Variants in COG5 observed in about 807,000 individuals in gnomAD.
COG5 encodes the protein component of oligomeric golgi complex 5, also known as conserved oligomeric Golgi complex subunit 5.
COG5 carries 86 observed loss-of-function variants against 110.4 expected under a neutral mutation model. The observed-to-expected ratio is 0.78, with a 90% CI of 0.65 to 0.93. The LOEUF is 0.93. COG5 is among the 40% of genes least tolerant of loss of function. The pLI, the probability that COG5 is intolerant of heterozygous loss-of-function variation, is 0.00. For synonymous variants in COG5, 360 were observed against 334.6 expected (o/e 1.08, Z -0.83); for missense variants, 1,077 against 987.0 (o/e 1.09, Z -1.22).
At chr7:107,469,946 G>T (rs985188213) in intron 6 of COG5, 2 of 151,908 alleles carry the variant, frequency 1.3e-5, no homozygotes, top group Non-Finnish European at 2.9e-5. Context: ...GGGAGCGGGG[G>T]AAATCCCTGC....
intron 12 of COG5, among the ~76,000 whole-genome samples, chr7:107,297,128 T>C (rs552100831): frequency 1.3e-5 from 2 of 152,328 alleles, no homozygotes; most frequent in East Asian, 1.9e-4. Context: ...ATTTTAACTA[T>C]ACAGTTGGAC....
At chr7:107,241,543 C>A (rs1801633754) in intron 17 of COG5, among the ~76,000 whole-genome samples, 1 of 151,806 alleles carries the variant, frequency 6.6e-6, no homozygotes, top group African/African-American at 2.4e-5. Flanking sequence ...AGCTCCGCCT[C>A]CGGGGTTCAC....
intron 14 of COG5, among the ~76,000 whole-genome samples, chr7:107,270,259 T>C (rs1436183357): frequency 1.3e-5 from 1 of 74,130 alleles, no homozygotes; most frequent in Non-Finnish European, 2.6e-5. Flanking sequence ...TCACACGTGC[T>C]TTTTTTTTTT....
At chr7:107,275,881 T>C (rs1395339928) in intron 14 of COG5, among the ~76,000 whole-genome samples, 3 of 152,200 alleles carry the variant, frequency 2.0e-5, no homozygotes, top group African/African-American at 7.2e-5. Flanking sequence ...CATATGTCTC[T>C]ATACCATTTA....
chr7:107,442,143 C>T (rs547554340), intron 6 of COG5, among the ~76,000 whole-genome samples: 302 of 151,688 alleles, frequency 2.0e-3, no homozygotes, highest in Non-Finnish European at 3.5e-3. Flanking sequence ...TGGCAGACAT[C>T]CCCCCCTGTT....
intron 10 of COG5, among the ~76,000 whole-genome samples, chr7:107,350,729 A>G (rs1812066652): frequency 6.6e-6 from 1 of 152,178 alleles, no homozygotes; most frequent in South Asian, 2.1e-4. Flanking sequence ...CGTTGTTACC[A>G]ATTAAGGATC....
At chr7:107,251,813 C>G (rs1019744850) in intron 16 of COG5, among the ~76,000 whole-genome samples, 11 of 152,026 alleles carry the variant, frequency 7.2e-5, no homozygotes, top group African/African-American at 2.4e-4. Context: ...AGAAAACTCA[C>G]AAATCCAAAG....
chr7:107,557,902 T>A, intron 2 of COG5, 74 bp downstream of exon 2: 1 of 1,516,724 alleles, frequency 6.6e-7, no homozygotes, highest in Non-Finnish European at 9.2e-7. Flanking sequence ...CATTTGTATT[T>A]AATAAGATTA....
intron 10 of COG5, among the ~76,000 whole-genome samples, chr7:107,338,874 A>G (rs951908004): frequency 6.6e-6 from 1 of 152,140 alleles, no homozygotes; most frequent in Non-Finnish European, 1.5e-5. Flanking sequence ...TCCTTAAGGG[A>G]GTTCTAACCA....
chr7:107,411,987 G>C (rs970386403), intron 7 of COG5, among the ~76,000 whole-genome samples: 1 of 152,072 alleles, frequency 6.6e-6, no homozygotes, highest in African/African-American at 2.4e-5. Context: ...TACCTTAGGA[G>C]AAATGTCAAG....
chr7:107,309,917 G>C (rs1808072705), intron 11 of COG5, among the ~76,000 whole-genome samples: 1 of 151,962 alleles, frequency 6.6e-6, no homozygotes, highest in Admixed American at 6.6e-5. Flanking sequence ...CCCAAGGACT[G>C]GCAACCATTT....
intron 10 of COG5, among the ~76,000 whole-genome samples, chr7:107,331,099 T>C (rs150288502): frequency 6.6e-6 from 1 of 152,272 alleles, no homozygotes; most frequent in African/African-American, 2.4e-5. Context: ...CAGATCAAGG[T>C]ATGTCTACAT....
chr7:107,556,362 T>C (rs980480343), intron 2 of COG5, among the ~76,000 whole-genome samples: 5 of 152,214 alleles, frequency 3.3e-5, no homozygotes, highest in African/African-American at 1.2e-4. Context: ...GTCATCTCAC[T>C]GATATAGACT....
intron 6 of COG5, among the ~76,000 whole-genome samples, chr7:107,523,120 C>G (rs919527402): frequency 1.5e-4 from 23 of 152,142 alleles, no homozygotes; most frequent in Non-Finnish European, 3.1e-4. Context: ...TCTTAATAAA[C>G]AATATTAAGT....
chr7:107,391,585 T>A (rs965309344), intron 7 of COG5, among the ~76,000 whole-genome samples: 1 of 152,168 alleles, frequency 6.6e-6, no homozygotes, highest in African/African-American at 2.4e-5. Context: ...CTTCCCCCTA[T>A]GTTTTCTTCT....
At chr7:107,307,172 CA>C (rs1807799529) in intron 11 of COG5, among the ~76,000 whole-genome samples, 1 of 152,190 alleles carries the variant, frequency 6.6e-6, no homozygotes, top group Admixed American at 6.5e-5. Flanking sequence ...TCAACTGCCA[CA>C]ACACCACTGA....
chr7:107,432,340 G>A (rs1205611592), intron 6 of COG5, among the ~76,000 whole-genome samples: 2 of 152,222 alleles, frequency 1.3e-5, no homozygotes, highest in African/African-American at 4.8e-5. Context: ...AAACATTGCT[G>A]GGTTAAAATA....
intron 6 of COG5, among the ~76,000 whole-genome samples, chr7:107,517,338 G>GC (rs1799997466): frequency 1.3e-5 from 2 of 152,066 alleles, no homozygotes; most frequent in Admixed American, 1.3e-4. Context: ...GAGAAATATG[G>GC]AACTATGTAA....
At chr7:107,548,437 T>G in intron 3 of COG5, 105 bp from the exon 4 acceptor site, 1 of 1,079,438 alleles carries the variant, frequency 9.3e-7, no homozygotes, top group South Asian at 1.3e-5. Flanking sequence ...TTTAACTTTT[T>G]TTGTCACCAT....
Sources: allele counts gnomAD v4.1 joint callset (sites outside exome capture counted in the v4.1 genomes callset), GRCh38; gene constraint gnomAD v4.1.1; transcripts MANE v1.5; gene names NCBI Gene and HGNC (gene_info 2026-07-23, HGNC 2026-07-21).